ABCC1: variants seen among roughly 807,000 people sequenced by gnomAD.
ABCC1 encodes the protein multidrug resistance-associated protein 1.
In ABCC1, 83 loss-of-function variants were observed where a neutral mutation model predicts 172.9. The ratio of observed to expected loss-of-function variants is 0.48; its 90% CI spans 0.40 to 0.58. The LOEUF is 0.58. ABCC1 is among the 20% of genes least tolerant of loss of function. ABCC1 has a pLI of 0.00. For missense variants in ABCC1, 1,817 were observed against 2,002.7 expected (o/e 0.91, Z 1.77); for synonymous variants, 937 against 825.2 (o/e 1.14, Z -2.32).
Position 16,111,444 on chromosome 16 carries a change from C to T in ABCC1, c.2941C>T (p.Leu981Phe). 6.2e-7 allele frequency: 1 copy of T among 1,614,148 alleles called. No homozygotes were observed. The part of the protein sequence containing the change: ...GLFISFLSIF[L>F]FMCNHVSALA... ...CTTCATCTCCTTCCTCAGCATCTTC[C>T]TTTTCATGTGTAACCATGTGTCCGC... Residue 981 changes from leucine (L) to phenylalanine (F), a missense_variant, in exon 22 of 31, where the codon CTT (leucine) becomes TTT (phenylalanine). By Grantham distance (22) the Leu-to-Phe change is conservative (BLOSUM62 0). Around this residue, in one of 3 missense-constraint regions of ABCC1, gnomAD observed 1,412 missense variants for 1,600.3 expected, o/e 0.88. Transcript: ENST00000399410.
At chr16:16,109,178 G>GA (rs1555500227) in intron 21 of ABCC1, among the ~76,000 whole-genome samples, 1 of 150,404 alleles carries the variant, frequency 6.6e-6, no homozygotes, top group Non-Finnish European at 1.5e-5. Context: ...GATGATTTTT[G>GA]TTTTTTTTTC....
intron 26 of ABCC1, among the ~76,000 whole-genome samples, chr16:16,130,176 T>C (rs958228781): frequency 6.6e-6 from 1 of 152,182 alleles, no homozygotes; most frequent in Admixed American, 6.5e-5. Context: ...CCCTCCCACA[T>C]GGGGTTGCTG....
At chr16:16,067,242 T>G (rs2050146023) in intron 12 of ABCC1, among the ~76,000 whole-genome samples, 1 of 152,152 alleles carries the variant, frequency 6.6e-6, no homozygotes, top group South Asian at 2.1e-4. Context: ...CCCTGTCGTT[T>G]CGAGCACCTT....
At chr16:16,122,504 GT>G (rs1398714341) in intron 24 of ABCC1, among the ~76,000 whole-genome samples, 6 of 152,152 alleles carry the variant, frequency 3.9e-5, no homozygotes, top group African/African-American at 1.4e-4. Context: ...TCATACCGCT[GT>G]TCCCGTCTGG....
In ABCC1 at chr16:16,033,094, C is replaced by T. The variant is rs2048613022; in HGVS notation, c.616-15C>T. ...TTTCCCTCTTCCTCCCAAACCTGTGCTTTCTTTCCACTAGAATCCCTGCCC... is the reference window on the plus strand; with the variant it reads ...TTTCCCTCTTCCTCCCAAACCTGTGTTTTCTTTCCACTAGAATCCCTGCCC... On this transcript the variant is annotated splice_polypyrimidine_tract_variant and intron_variant, in intron 5 of 30. Coordinates refer to ENST00000399410, the MANE Select transcript of ABCC1 (RefSeq NM_004996.4). 3 of 1,613,726 alleles carry T rather than the reference C, an allele frequency of 1.9e-6. No homozygotes were observed. The East Asian group carries it at 6.7e-5, about 36-fold the overall frequency.
chr16:15,960,667 TGA>T (rs2046106700), intron 1 of ABCC1, among the ~76,000 whole-genome samples: 1 of 151,996 alleles, frequency 6.6e-6, no homozygotes, highest in Non-Finnish European at 1.5e-5. Context: ...TCGGAGGCGG[TGA>T]GGTTTGACCC....
chr16:16,103,651 C>T (rs543052742), intron 20 of ABCC1, among the ~76,000 whole-genome samples: 13 of 152,252 alleles, frequency 8.5e-5, no homozygotes, highest in African/African-American at 2.9e-4. Flanking sequence ...TTGACAAAGT[C>T]GGAGCCTAAA....
intron 30 of ABCC1, among the ~76,000 whole-genome samples, chr16:16,139,737 G>A (rs2046062375): frequency 1.3e-5 from 2 of 152,248 alleles, no homozygotes; most frequent in African/African-American, 2.4e-5. Flanking sequence ...TCAGTGCCGG[G>A]GACCACAAAA....
intron 26 of ABCC1, among the ~76,000 whole-genome samples, chr16:16,128,814 C>T (rs762678485): frequency 1.2e-4 from 19 of 152,194 alleles, no homozygotes; most frequent in Admixed American, 9.2e-4. Flanking sequence ...GCCTGGCCAA[C>T]GGTGAATCCC....
At chr16:15,986,357 C>T (rs532139604) in intron 1 of ABCC1, among the ~76,000 whole-genome samples, 1 of 152,286 alleles carries the variant, frequency 6.6e-6, no homozygotes, top group South Asian at 2.1e-4. Flanking sequence ...GGCCATGAAC[C>T]AGTAGCGAGC....
chr16:16,016,718 G>C, intron 5 of ABCC1, 97 bp downstream of exon 5: 1 of 1,510,684 alleles, frequency 6.6e-7, no homozygotes. Flanking sequence ...CCAGGATCTC[G>C]TTCCAGCCTC....
chr16:16,048,422 G>A, intron 10 of ABCC1, 119 bp downstream of exon 10: 1 of 1,206,350 alleles, frequency 8.3e-7, no homozygotes, highest in Non-Finnish European at 1.2e-6. Flanking sequence ...AGTTCCGGCT[G>A]TGGTTCATAT....
intron 9 of ABCC1, among the ~76,000 whole-genome samples, chr16:16,047,218 G>A (rs560383581): frequency 6.6e-6 from 1 of 152,144 alleles, no homozygotes; most frequent in South Asian, 2.1e-4. Flanking sequence ...AAAACTTCCT[G>A]ACACCTAGGT....
At chr16:16,121,218 T>C (rs2045141974) in intron 23 of ABCC1, among the ~76,000 whole-genome samples, 1 of 152,186 alleles carries the variant, frequency 6.6e-6, no homozygotes, top group East Asian at 1.9e-4. Flanking sequence ...AATAATATTT[T>C]ATTTTTGTAG....
chr16:16,131,678 C>T, intron 26 of ABCC1, 111 bp from the exon 27 acceptor site: 2 of 1,280,612 alleles, frequency 1.6e-6, no homozygotes, highest in Non-Finnish European at 2.2e-6. Context: ...AGTGCTGAGG[C>T]CTGGGAGGCC....
chr16:16,070,349 C>T (rs543068144), intron 13 of ABCC1, among the ~76,000 whole-genome samples: 2 of 151,310 alleles, frequency 1.3e-5, no homozygotes, highest in African/African-American at 2.4e-5. Context: ...GCCTGGGCAA[C>T]AGAGCAAGAC....
chr16:15,999,817 T>TC (rs1294872973), intron 1 of ABCC1, among the ~76,000 whole-genome samples: 4 of 66,272 alleles, frequency 6.0e-5, no homozygotes, highest in African/African-American at 1.5e-4. Flanking sequence ...CTCCTCTCTC[T>TC]CTCTCTCTCT....
chr16:16,044,746 C>G (rs550738860), intron 8 of ABCC1, 66 bp downstream of exon 8: 3 of 1,428,336 alleles, frequency 2.1e-6, no homozygotes, highest in Middle Eastern at 1.8e-4. Context: ...TCAGTTGCAT[C>G]AGTCATAACC....
intron 15 of ABCC1, 28 bp from the exon 16 acceptor site, chr16:16,079,324 C>G: frequency 1.2e-6 from 2 of 1,610,444 alleles, no homozygotes; most frequent in South Asian, 1.1e-5. Context: ...TTCAGCGTGG[C>G]TGAGCCAGGT....
Sources: gnomAD v4.1 joint callset for allele counts (sites outside exome capture counted in the v4.1 genomes callset) on GRCh38, gnomAD v4.1.1 for gene constraint, gnomAD v4.1.1 regional missense constraint, MANE v1.5 for transcripts, NCBI Gene and HGNC (gene_info 2026-07-23, HGNC 2026-07-21) for gene names.